ANO10: variants seen among roughly 807,000 people sequenced by gnomAD.
The protein encoded by ANO10 is anoctamin-10.
Under a neutral mutation model 74.7 loss-of-function variants are expected in ANO10, and 77 were observed. That is an observed-to-expected ratio of 1.03 (90% CI 0.86 to 1.25). The LOEUF (loss-of-function observed/expected upper bound fraction) is 1.25, where lower values mean the gene tolerates loss of function less well. Ranked by LOEUF, ANO10 falls within the 50% of genes most tolerant of loss-of-function variation. The probability of loss-of-function intolerance (pLI) is 0.00; values close to 1 mark genes in which losing one functional copy is unlikely to be tolerated. For missense variants in ANO10, 721 were observed against 778.1 expected, an observed-to-expected ratio of 0.93 and a Z score of 0.87; for synonymous variants, 279 against 284.9, an observed-to-expected ratio of 0.98 and a Z score of 0.21.
At chr3:43,374,343 G>C (rs2091724626) in intron 12 of ANO10, among the ~76,000 whole-genome samples, 1 of 152,186 alleles carries the variant, frequency 6.6e-6, no homozygotes, top group South Asian at 2.1e-4. Flanking sequence ...GCCAGGCACT[G>C]TTCTAAACAC....
At chr3:43,446,009 G>A (rs2093239954) in intron 11 of ANO10, among the ~76,000 whole-genome samples, 1 of 152,132 alleles carries the variant, frequency 6.6e-6, no homozygotes, top group East Asian at 1.9e-4. Context: ...GTCAGGAGCT[G>A]TCCAAACACT....
At chr3:43,581,588 T>C (rs1314615024) in intron 4 of ANO10, among the ~76,000 whole-genome samples, 1 of 152,124 alleles carries the variant, frequency 6.6e-6, no homozygotes, top group Admixed American at 6.5e-5. Context: ...TCCACATGAG[T>C]TCCTAATACA....
chr3:43,370,962 T>G (rs535745139), intron 12 of ANO10, among the ~76,000 whole-genome samples: 1 of 152,280 alleles, frequency 6.6e-6, no homozygotes, highest in African/African-American at 2.4e-5. Context: ...CTCCATAGAC[T>G]TGTGATAACC....
intron 4 of ANO10, among the ~76,000 whole-genome samples, chr3:43,592,370 G>A (rs190953211): frequency 8.7e-4 from 132 of 152,206 alleles, no homozygotes; most frequent in African/African-American, 2.8e-3. Flanking sequence ...CTGACACCTC[G>A]TATGGCTGGG....
Position 43,561,267 on chromosome 3 carries a change from T to C in ANO10, c.1429A>G (p.Thr477Ala), listed in dbSNP as rs746775690. 3.7e-6 allele frequency: 6 copies of C among 1,614,090 alleles called. No homozygotes were observed. Among genetic ancestry groups the C allele is most frequent in the Middle Eastern group, 3.3e-4 (2 of 6,084 alleles). The change falls in exon 9 of 13, where the codon ACA becomes GCA. Residue 477 changes from threonine (T) to alanine (A), a missense_variant. Coordinates refer to ENST00000292246, the MANE Select transcript of ANO10 (RefSeq NM_018075.5). ...TCCAGGATGACTTGTTCATATAATG[T>C]AGCATCAATGTCTGCCTTTAAAGCC... ...VQALKADIDA[T>A]LYEQVILEKE...
intron 12 of ANO10, among the ~76,000 whole-genome samples, chr3:43,375,388 C>T (rs187333795): frequency 7.2e-4 from 109 of 152,168 alleles, no homozygotes; most frequent in African/African-American, 2.5e-3. Context: ...GTGGAGGTGG[C>T]AGTGAGCCGA....
intron 11 of ANO10, among the ~76,000 whole-genome samples, chr3:43,517,818 G>C (rs990582864): frequency 6.6e-6 from 1 of 152,152 alleles, no homozygotes; most frequent in Non-Finnish European, 1.5e-5. Flanking sequence ...TTGGTTAACA[G>C]GATAAGCCCA....
chr3:43,398,836 TAG>T, intron 12 of ANO10, among the ~76,000 whole-genome samples: 1 of 152,310 alleles, frequency 6.6e-6, no homozygotes, highest in South Asian at 2.1e-4. Context: ...ATCTATCTCA[TAG>T]AGTTTTTTGA....
At chr3:43,465,073 G>T (rs1575931545) in intron 11 of ANO10, among the ~76,000 whole-genome samples, 2 of 152,150 alleles carry the variant, frequency 1.3e-5, no homozygotes, top group African/African-American at 4.8e-5. Context: ...GTTTTTATTT[G>T]CAGATGATGT....
chr3:43,393,509 C>T (rs907621920), intron 12 of ANO10, among the ~76,000 whole-genome samples: 1 of 152,096 alleles, frequency 6.6e-6, no homozygotes, highest in Non-Finnish European at 1.5e-5. Context: ...AAAGATGATA[C>T]ACGTACGCTC....
chr3:43,431,261 C>T (rs749769576), intron 12 of ANO10, among the ~76,000 whole-genome samples: 28 of 151,602 alleles, frequency 1.8e-4, no homozygotes, highest in African/African-American at 4.6e-4. Context: ...TTTGTAGAGA[C>T]GGGATTTCAC....
At chr3:43,634,413 C>T (rs955221551) in intron 1 of ANO10, among the ~76,000 whole-genome samples, 65 of 152,176 alleles carry the variant, frequency 4.3e-4, no homozygotes, top group Non-Finnish European at 5.6e-4. Flanking sequence ...ACCACCCAGT[C>T]TTTCTCCCCA....
At chr3:43,536,398 G>A (rs2078711420) in intron 11 of ANO10, among the ~76,000 whole-genome samples, 1 of 152,138 alleles carries the variant, frequency 6.6e-6, no homozygotes, top group African/African-American at 2.4e-5. Flanking sequence ...AGCAGCAGTA[G>A]CATATTACTT....
chr3:43,504,276 G>GTAGA (rs1249162498), intron 11 of ANO10, among the ~76,000 whole-genome samples: 2 of 146,590 alleles, frequency 1.4e-5, no homozygotes, highest in Non-Finnish European at 3.0e-5. Context: ...CAAAAAATAA[G>GTAGA]TAGATAGGTA....
At chr3:43,570,384 T>G (rs972264010) in intron 7 of ANO10, among the ~76,000 whole-genome samples, 27 of 152,006 alleles carry the variant, frequency 1.8e-4, no homozygotes, top group Admixed American at 9.2e-4. Flanking sequence ...AAGGCAACCC[T>G]AAGCCAAAAG....
chr3:43,432,117 C>CTT (rs796692983), intron 12 of ANO10, among the ~76,000 whole-genome samples: 27 of 133,954 alleles, frequency 2.0e-4, no homozygotes, highest in South Asian at 4.8e-4. Context: ...TCCAGCATGG[C>CTT]TTTTTTTTTT....
chr3:43,439,947 AT>A (rs1010749992), intron 11 of ANO10, among the ~76,000 whole-genome samples: 1 of 152,104 alleles, frequency 6.6e-6, no homozygotes, highest in African/African-American at 2.4e-5. Flanking sequence ...AAACAAGAAG[AT>A]TTTTTTGCAT....
At chr3:43,510,318 C>T (rs1320470463) in intron 11 of ANO10, among the ~76,000 whole-genome samples, 1 of 151,554 alleles carries the variant, frequency 6.6e-6, no homozygotes, top group Non-Finnish European at 1.5e-5. Flanking sequence ...GTAATCCTGC[C>T]TACTGGGGAG....
In ANO10 at chr3:43,688,978, C is replaced by T. The variant is rs561082319; in HGVS notation, c.-12+2539G>A. Among the ~76,000 whole-genome samples the T allele has an allele frequency of 3.2e-4, 48 of 152,230 alleles. 1 individual carries two copies. Among genetic ancestry groups the T allele is most frequent in the East Asian group, 3.9e-4 (2 of 5,180 alleles). On this transcript the variant is annotated intron_variant, in intron 1 of 3. Coordinates refer to the ANO10 transcript ENST00000413397. ...AAAGGCCACAGGGAGCATTTACTCA[C>T]GGCAGAGGGCAAAGCGGGAGCAGGC...
Sources: allele counts gnomAD v4.1 joint callset (sites outside exome capture counted in the v4.1 genomes callset), GRCh38; gene constraint gnomAD v4.1.1; transcripts MANE v1.5; gene names NCBI Gene and HGNC (gene_info 2026-07-23, HGNC 2026-07-21).